Variants in EFHC2 observed in about 807,000 individuals in gnomAD.
The protein encoded by EFHC2 is EF-hand domain-containing family member C2.
Under a neutral mutation model 52.7 loss-of-function variants are expected in EFHC2, and 18 were observed. That is an observed-to-expected ratio of 0.34 (90% confidence interval 0.24 to 0.51). EFHC2 has a LOEUF of 0.51. Among genes scored for constraint, EFHC2 ranks in the 20% least tolerant of loss-of-function variants. The probability of loss-of-function intolerance (pLI) is 0.97; values close to 1 mark genes in which losing one functional copy is unlikely to be tolerated. For synonymous variants in EFHC2, 203 were observed against 204.1 expected, an observed-to-expected ratio of 0.99 and a Z score of 0.04; for missense variants, 513 against 562.5, an observed-to-expected ratio of 0.91 and a Z score of 0.89.
chrX:44,294,328 A>C (rs1039424263), intron 2 of EFHC2, among the ~76,000 whole-genome samples: 1 of 108,420 alleles, frequency 9.2e-6, no homozygotes, highest in Non-Finnish European at 1.9e-5. Context: ...GAACCAAGGC[A>C]AAAACACTCC....
At chrX:44,170,944 G>T (rs1352793920) in intron 13 of EFHC2, among the ~76,000 whole-genome samples, 1 of 112,550 alleles carries the variant, frequency 8.9e-6, no homozygotes, top group African/African-American at 3.2e-5. Context: ...GCTTTTAAGT[G>T]TTTCTACGCT....
chrX:44,177,896 C>A (rs2036799681), intron 12 of EFHC2, among the ~76,000 whole-genome samples: 1 of 109,164 alleles, frequency 9.2e-6, no homozygotes, highest in Admixed American at 9.9e-5. Context: ...TTCAAAGATA[C>A]AGGGCCTCCC....
rs2037535510 is a variant in EFHC2 at position 44,261,232 on chromosome X, T to C, written c.449A>G (p.Tyr150Cys). 1 of 1,211,671 alleles carries C rather than the reference T, an allele frequency of 8.3e-7. No individual in the cohort carries two copies. The highest frequency in any genetic ancestry group is 1.1e-6 in the Non-Finnish European group (1 of 895,399). The change falls in exon 4 of 15, where the codon TAT becomes TGT. Residue 150 changes from tyrosine (Y) to cysteine (C), a missense_variant. Coordinates refer to ENST00000420999, the MANE Select transcript of EFHC2 (RefSeq NM_025184.4). ...AACCTCTGTGCCGACATTAAAATGA[T>C]ACACAGTATAAAACTGATCCTCATC... ...PPDEDQFYTV[Y>C]HFNVGTEVVF...
At chrX:44,336,937 G>T (rs73198111) in intron 1 of EFHC2, among the ~76,000 whole-genome samples, 9,781 of 111,370 alleles carry the variant, frequency 0.088, 442 homozygotes, top group Non-Finnish European at 0.14. Context: ...GTCAGTAAAA[G>T]AACCTAATTT....
chrX:44,312,839 T>C (rs1473338737), intron 1 of EFHC2, 83 bp from the exon 2 acceptor site: 2 of 928,974 alleles, frequency 2.2e-6, no homozygotes, highest in Non-Finnish European at 2.9e-6. Flanking sequence ...TCAACACATT[T>C]TCTTACCATG....
intron 4 of EFHC2, among the ~76,000 whole-genome samples, chrX:44,250,832 A>G (rs1439099024): frequency 5.5e-5 from 6 of 108,582 alleles, no homozygotes; most frequent in Non-Finnish European, 1.1e-4. Context: ...TTCGAAAAAA[A>G]AAAAAAAAAA....
At chrX:44,286,519 C>T (rs1242069442) in intron 2 of EFHC2, among the ~76,000 whole-genome samples, 1 of 111,075 alleles carries the variant, frequency 9.0e-6, no homozygotes, top group African/African-American at 3.3e-5. Context: ...GCAAAAATGC[C>T]TTAAGGTAGC....
At chrX:44,244,548 T>C (rs762277369) in intron 7 of EFHC2, among the ~76,000 whole-genome samples, 2 of 112,561 alleles carry the variant, frequency 1.8e-5, no homozygotes, top group Non-Finnish European at 3.8e-5. Flanking sequence ...CTGATTCCTC[T>C]AATTCCAAGT....
rs3049061 is a variant in EFHC2, at chrX:44,283,532, C to CTTT, written c.232-10699_232-10697dup. On this transcript the variant is annotated intron_variant, in intron 2 of 14. Coordinates refer to ENST00000420999, the MANE Select transcript of EFHC2 (RefSeq NM_025184.4). ...AAGCACTTTGACTCCACGGAAGTAC[C>CTTT]TTTTTTTTTTTTTTTTTACATCCGG... 3.0e-3 allele frequency among the ~76,000 whole-genome samples: 265 copies of CTTT among 88,536 alleles called. 16 individuals carry two copies. The highest frequency in any genetic ancestry group is 0.011 in the African/African-American group (246 of 22,126). The allele number at this position is 88,536 out of a possible 115,157, so 76.9% of individuals were successfully genotyped here.
intron 1 of EFHC2, among the ~76,000 whole-genome samples, chrX:44,333,851 G>A (rs1473075241): frequency 8.9e-6 from 1 of 111,746 alleles, no homozygotes; most frequent in African/African-American, 3.2e-5. Context: ...TATAAGAAGA[G>A]CTGTTTCCCC....
At chrX:44,189,860 C>T (rs763252661) in intron 11 of EFHC2, among the ~76,000 whole-genome samples, 11 of 111,003 alleles carry the variant, frequency 9.9e-5, no homozygotes, top group Non-Finnish European at 1.9e-4. Context: ...GTTTACATCT[C>T]AGGATCTCTA....
At chrX:44,161,813 T>C (rs1385891946) in intron 14 of EFHC2, among the ~76,000 whole-genome samples, 2 of 112,604 alleles carry the variant, frequency 1.8e-5, no homozygotes, top group Admixed American at 1.9e-4. Context: ...GAAAGGGTTA[T>C]CAGGGCAAAT....
intron 2 of EFHC2, among the ~76,000 whole-genome samples, chrX:44,281,220 T>C (rs896595875): frequency 3.6e-5 from 4 of 112,490 alleles, no homozygotes; most frequent in African/African-American, 9.7e-5. Flanking sequence ...GGGCCTGGCC[T>C]AGAATTATTT....
chrX:44,178,800 A>G (rs767913572), intron 11 of EFHC2, among the ~76,000 whole-genome samples: 1 of 112,438 alleles, frequency 8.9e-6, no homozygotes, highest in South Asian at 3.6e-4. Context: ...CATTTTGCCC[A>G]GAGTTAAACA....
chrX:44,189,073 T>C (rs752371238), intron 11 of EFHC2, among the ~76,000 whole-genome samples: 41 of 102,084 alleles, frequency 4.0e-4, no homozygotes, highest in African/African-American at 1.2e-3. Flanking sequence ...TAAGCTGAGA[T>C]TGTGTCACTG....
chrX:44,321,667 A>G lies in EFHC2; in HGVS notation c.43-8911T>C, dbSNP rs2038021897. Among the ~76,000 whole-genome samples, 3 of 111,543 alleles carry G rather than the reference A, an allele frequency of 2.7e-5. No individual in the cohort carries two copies. The South Asian group carries it at 1.1e-3, about 42-fold the overall frequency. ...AAAGCATTTGAAGGAACACGTGACTAACTGTGTTAAATGCTACTAATAATT... is the reference window on the plus strand; with the variant it reads ...AAAGCATTTGAAGGAACACGTGACTGACTGTGTTAAATGCTACTAATAATT... On this transcript the variant is annotated intron_variant, in intron 1 of 14. Transcript: ENST00000420999.
chrX:44,242,091 T>G, intron 8 of EFHC2, 30 bp downstream of exon 8: 1 of 1,160,000 alleles, frequency 8.6e-7, no homozygotes, highest in Non-Finnish European at 1.1e-6. Flanking sequence ...TTGGGAAAGA[T>G]CAGACTAAAA....
intron 2 of EFHC2, among the ~76,000 whole-genome samples, chrX:44,283,659 G>C: frequency 1.2e-5 from 1 of 83,172 alleles, no homozygotes; most frequent in Admixed American, 1.5e-4. Flanking sequence ...GAAACACTTT[G>C]ACTCCACGGA....
intron 2 of EFHC2, among the ~76,000 whole-genome samples, chrX:44,296,390 AAAAT>A (rs1303868642): frequency 8.9e-6 from 1 of 112,467 alleles, no homozygotes; most frequent in Non-Finnish European, 1.9e-5. Flanking sequence ...TATAAATGCA[AAAAT>A]AAATGCTTTG....
Sources: gnomAD v4.1 joint callset for allele counts (sites outside exome capture counted in the v4.1 genomes callset) on GRCh38, gnomAD v4.1.1 for gene constraint, MANE v1.5 for transcripts, NCBI Gene and HGNC (gene_info 2026-07-23, HGNC 2026-07-21) for gene names.